AFF3: variants seen among roughly 807,000 people sequenced by gnomAD.
AFF3 encodes the protein AF4/FMR2 family member 3.
In AFF3, 32 loss-of-function variants were observed where a neutral mutation model predicts 129.7. The observed-to-expected ratio is 0.25, with a 90% CI of 0.19 to 0.33. The LOEUF is 0.33. Among genes scored for constraint, AFF3 ranks in the 10% least tolerant of loss-of-function variants. The pLI is 1.00. For missense variants in AFF3, 1,373 were observed against 1,592.0 expected (o/e 0.86, Z 2.34); for synonymous variants, 644 against 635.4 (o/e 1.01, Z -0.20).
chr2:99,954,324 A>C (rs1676431702), intron 7 of AFF3, among the ~76,000 whole-genome samples: 2 of 152,102 alleles, frequency 1.3e-5, no homozygotes, highest in Non-Finnish European at 2.9e-5. Context: ...GGCTATTCTG[A>C]TTTAAAAGTA....
chr2:99,826,795 G>A lies in AFF3; in HGVS notation c.921+10682C>T, dbSNP rs145418262. ...TATCCTGAACTCAGGGGAGAGCCAC[G>A]AACAGGTTTCCAGCAAACCTATGCT... On this transcript the variant is annotated intron_variant, in intron 8 of 24. Transcript: ENST00000672756. 1.8e-4 allele frequency among the ~76,000 whole-genome samples: 27 copies of A among 152,298 alleles called. No individual in the cohort carries two copies. The East Asian group carries it at 2.7e-3, about 15-fold the overall frequency.
intron 7 of AFF3, among the ~76,000 whole-genome samples, chr2:99,872,670 C>G (rs1691969683): frequency 6.7e-6 from 1 of 149,358 alleles, no homozygotes; most frequent in Non-Finnish European, 1.5e-5. Context: ...ATCTTGAGCT[C>G]TAAATGAATC....
At chr2:99,741,074 C>T (rs1189436280) in intron 10 of AFF3, among the ~76,000 whole-genome samples, 1 of 152,166 alleles carries the variant, frequency 6.6e-6, no homozygotes, top group Non-Finnish European at 1.5e-5. Flanking sequence ...TTCCCCATTG[C>T]TTGTTTTTCT....
intron 4 of AFF3, among the ~76,000 whole-genome samples, chr2:100,018,579 CAG>C (rs1290841056): frequency 6.6e-6 from 1 of 152,172 alleles, no homozygotes; most frequent in Non-Finnish European, 1.5e-5. Context: ...AAGCAGCTTT[CAG>C]AGTCTTTCTA....
chr2:99,677,291 T>A (rs1674066183), intron 11 of AFF3, among the ~76,000 whole-genome samples: 1 of 144,586 alleles, frequency 6.9e-6, no homozygotes, highest in South Asian at 2.2e-4. Flanking sequence ...AAAATTGAAC[T>A]TTTTGAATTG....
At chr2:99,844,104 A>T (rs967437087) in intron 7 of AFF3, among the ~76,000 whole-genome samples, 16 of 152,166 alleles carry the variant, frequency 1.1e-4, no homozygotes, top group Admixed American at 1.0e-3. Context: ...TTTTACTGAA[A>T]GATACAAAAA....
chr2:99,914,635 G>A (rs1695336362), intron 7 of AFF3, among the ~76,000 whole-genome samples: 1 of 152,152 alleles, frequency 6.6e-6, no homozygotes, highest in Admixed American at 6.5e-5. Flanking sequence ...CATCATGCTG[G>A]CCGTGTGCAG....
chr2:99,803,038 T>C (rs1686074130), intron 8 of AFF3, among the ~76,000 whole-genome samples: 2 of 152,222 alleles, frequency 1.3e-5, no homozygotes, highest in Admixed American at 1.3e-4. Flanking sequence ...CTTATTCCAG[T>C]TCTTATGGGG....
At chr2:99,648,376 T>C (rs116773098) in intron 13 of AFF3, among the ~76,000 whole-genome samples, 3 of 152,242 alleles carry the variant, frequency 2.0e-5, no homozygotes, top group African/African-American at 7.2e-5. Flanking sequence ...AAAAGAAATA[T>C]GTATAGGAAA....
At chr2:99,748,027 G>A (rs1219520219) in intron 9 of AFF3, among the ~76,000 whole-genome samples, 4 of 152,114 alleles carry the variant, frequency 2.6e-5, no homozygotes, top group Non-Finnish European at 4.4e-5. Flanking sequence ...ACCCTGATAA[G>A]GTGTCTGCTG....
intron 8 of AFF3, among the ~76,000 whole-genome samples, chr2:99,786,136 G>C (rs1041828601): frequency 6.6e-6 from 1 of 152,216 alleles, no homozygotes; most frequent in African/African-American, 2.4e-5. Flanking sequence ...ACAATTACGG[G>C]TGCTTTCTGC....
chr2:99,864,196 CA>C (rs1691206415), intron 7 of AFF3, among the ~76,000 whole-genome samples: 1 of 152,250 alleles, frequency 6.6e-6, no homozygotes, highest in East Asian at 1.9e-4. Context: ...ATAACACAGG[CA>C]AAAAACAGAT....
intron 13 of AFF3, among the ~76,000 whole-genome samples, chr2:99,628,365 T>C (rs1417085469): frequency 4.6e-5 from 7 of 152,104 alleles, no homozygotes; most frequent in Admixed American, 1.3e-4. Flanking sequence ...TGCTTGCCTA[T>C]TGTTGGTGTA....
intron 10 of AFF3, among the ~76,000 whole-genome samples, chr2:99,735,908 C>T (rs1338906370): frequency 6.6e-6 from 1 of 152,156 alleles, no homozygotes; most frequent in African/African-American, 2.4e-5. Flanking sequence ...TTACTAATAT[C>T]TAGAGTGATT....
chr2:99,661,329 G>A (rs895217847), intron 12 of AFF3, among the ~76,000 whole-genome samples: 51 of 152,200 alleles, frequency 3.4e-4, no homozygotes, highest in African/African-American at 1.1e-3. Context: ...TGGAGAGTCT[G>A]TGTTGGTGGT....
At chr2:99,667,880 G>A (rs776210444) in intron 12 of AFF3, among the ~76,000 whole-genome samples, 12 of 151,508 alleles carry the variant, frequency 7.9e-5, no homozygotes, top group African/African-American at 1.9e-4. Flanking sequence ...TTTTTGGCTG[G>A]GCGTGGTGGC....
chr2:100,036,292 C>T (rs1199351832), intron 4 of AFF3, among the ~76,000 whole-genome samples: 1 of 152,004 alleles, frequency 6.6e-6, no homozygotes, highest in Non-Finnish European at 1.5e-5. Context: ...ATAATCCTAG[C>T]ATTGCCCACA....
At chr2:99,632,406 T>C (rs1306557859) in intron 13 of AFF3, among the ~76,000 whole-genome samples, 2 of 152,200 alleles carry the variant, frequency 1.3e-5, no homozygotes, top group Non-Finnish European at 2.9e-5. Flanking sequence ...GATATCTCAC[T>C]GTGGTTTAAA....
At chr2:100,130,520 C>T (rs898790767) in intron 1 of AFF3, among the ~76,000 whole-genome samples, 2 of 152,250 alleles carry the variant, frequency 1.3e-5, no homozygotes, top group Non-Finnish European at 2.9e-5. Flanking sequence ...TTTTAGTCTC[C>T]ATCCACGGGC....
Sources: gnomAD v4.1 joint callset for allele counts (sites outside exome capture counted in the v4.1 genomes callset) on GRCh38, gnomAD v4.1.1 for gene constraint, MANE v1.5 for transcripts, NCBI Gene and HGNC (gene_info 2026-07-23, HGNC 2026-07-21) for gene names.